UNC5B: variants seen among roughly 807,000 people sequenced by gnomAD.
UNC5B encodes the protein unc-5 netrin receptor B.
In UNC5B, 56 loss-of-function variants were observed where a neutral mutation model predicts 103.7. That is an observed-to-expected ratio of 0.54 (90% CI 0.44 to 0.67). The LOEUF (loss-of-function observed/expected upper bound fraction) is 0.67. Among genes scored for constraint, UNC5B ranks in the 30% least tolerant of loss-of-function variants. The probability of loss-of-function intolerance (pLI) is 0.00; values close to 1 mark genes in which losing one functional copy is unlikely to be tolerated. For synonymous variants in UNC5B, 577 were observed against 542.0 expected (o/e 1.06, Z -0.90); for missense variants, 1,194 against 1,284.5 (o/e 0.93, Z 1.08).
Position 71,293,566 on chromosome 10 carries a change from A to G in UNC5B, c.1934A>G (p.His645Arg), listed in dbSNP as rs768112292. 1.5e-5 allele frequency: 24 copies of G among 1,613,836 alleles called. No homozygotes were observed. Among genetic ancestry groups the G allele is most frequent in the Non-Finnish European group, 1.9e-5 (23 of 1,179,976 alleles). ...CTCAAGACCCAGGCCCACCAGGGCCACTGGGAGGTGAGGAGCCACGGTGAA... is the reference window on the plus strand; with the variant it reads ...CTCAAGACCCAGGCCCACCAGGGCCGCTGGGAGGTGAGGAGCCACGGTGAA... ...FQLKTQAHQG[H>R]WEEVVTLDEE... The change falls in exon 12 of 17, where the codon CAC becomes CGC. Residue 645 changes from histidine to arginine, a missense_variant. Coordinates refer to ENST00000335350, the MANE Select transcript of UNC5B (RefSeq NM_170744.5).
intron 8 of UNC5B, 88 bp downstream of exon 8, chr10:71,289,078 A>C: frequency 6.3e-7 from 1 of 1,590,292 alleles, no homozygotes; most frequent in Non-Finnish European, 8.6e-7. Context: ...GGTGCAGGGC[A>C]GGGAGAGCTG....
At chr10:71,289,974 C>T (rs879738708) in intron 8 of UNC5B, among the ~76,000 whole-genome samples, 73 of 152,220 alleles carry the variant, frequency 4.8e-4, no homozygotes, top group Non-Finnish European at 9.6e-4. Flanking sequence ...GGAGGAAGTG[C>T]GTGGACAGGT....
At chr10:71,270,870 C>A (rs1290698250) in intron 1 of UNC5B, among the ~76,000 whole-genome samples, 1 of 152,186 alleles carries the variant, frequency 6.6e-6, no homozygotes, top group Non-Finnish European at 1.5e-5. Context: ...AGGTGGGGAG[C>A]CTGCCATTGC....
chr10:71,242,875 G>A (rs1282518515), intron 1 of UNC5B, among the ~76,000 whole-genome samples: 1 of 152,178 alleles, frequency 6.6e-6, no homozygotes, highest in African/African-American at 2.4e-5. Flanking sequence ...GGCACTGGGT[G>A]TGTCCCAGCC....
At chr10:71,264,354 G>A (rs539378321) in intron 1 of UNC5B, among the ~76,000 whole-genome samples, 1 of 152,350 alleles carries the variant, frequency 6.6e-6, no homozygotes, top group South Asian at 2.1e-4. Flanking sequence ...CTCATTGCGT[G>A]TATTAACATG....
intron 11 of UNC5B, among the ~76,000 whole-genome samples, chr10:71,293,040 G>C (rs573627052): frequency 9.8e-5 from 15 of 152,344 alleles, no homozygotes; most frequent in African/African-American, 3.6e-4. Flanking sequence ...TTGCTGGCAA[G>C]GGGGTGGGAA....
Position 71,286,830 on chromosome 10 carries a change from G to A in UNC5B, c.694G>A (p.Ala232Thr). 6.2e-7 allele frequency: 1 copy of A among 1,614,178 alleles called. No individual in the cohort carries two copies. The highest frequency in any genetic ancestry group is 8.5e-7 in the Non-Finnish European group (1 of 1,180,020). Reference protein sequence around the residue: ...NYTCVAKNIVAKRRSTTATVI... With the variant: ...NYTCVAKNIVTKRRSTTATVI... Reference sequence around the variant, plus strand: ...TACCTGCGTGGCCAAGAACATCGTGGCCAAACGCCGGAGCACCACTGCCAC... The same window carrying A: ...TACCTGCGTGGCCAAGAACATCGTGACCAAACGCCGGAGCACCACTGCCAC... The change falls in exon 5 of 17, where the codon GCC becomes ACC. Residue 232 changes from alanine (A) to threonine (T), a missense_variant. Ala to Thr is a moderately conservative substitution (Grantham distance 58). Transcript: ENST00000335350.
chr10:71,237,229 T>A (rs1158628377), intron 1 of UNC5B, among the ~76,000 whole-genome samples: 1 of 152,202 alleles, frequency 6.6e-6, no homozygotes, highest in African/African-American at 2.4e-5. Context: ...AAGACTCGTG[T>A]TTATGTGGAA....
chr10:71,290,959 G>T lies in UNC5B; in HGVS notation c.1144G>T (p.Val382Leu), dbSNP rs149315614. ...TGCGGCGCTGTATGCGGGGCTCGTG[G>T]TGGCCATCTTCGTGGTCGTGGCAAT... is the stretch of plus-strand genomic sequence containing the variant. ...GDAALYAGLV[V>L]AIFVVVAILM... The change falls in exon 9 of 17, where the codon GTG becomes TTG. Residue 382 changes from valine to leucine, a missense_variant. Physicochemically the swap from Val to Leu is conservative, Grantham distance 32. Coordinates refer to ENST00000335350, the MANE Select transcript of UNC5B (RefSeq NM_170744.5). 6.2e-7 allele frequency: 1 copy of T among 1,613,912 alleles called. No homozygotes were observed. Among genetic ancestry groups the T allele is most frequent in the Non-Finnish European group, 8.5e-7 (1 of 1,180,042 alleles).
At chr10:71,263,277 C>T (rs1844450914) in intron 1 of UNC5B, among the ~76,000 whole-genome samples, 1 of 152,244 alleles carries the variant, frequency 6.6e-6, no homozygotes, top group Non-Finnish European at 1.5e-5. Context: ...TAGTCACACC[C>T]TCTGTGGGCC....
chr10:71,251,701 C>T (rs890705647), intron 1 of UNC5B, among the ~76,000 whole-genome samples: 2 of 152,184 alleles, frequency 1.3e-5, no homozygotes, highest in East Asian at 1.9e-4. Flanking sequence ...GGGGTCTTCT[C>T]GGTCCATATC....
intron 1 of UNC5B, among the ~76,000 whole-genome samples, chr10:71,229,645 A>G (rs1200937120): frequency 1.3e-5 from 2 of 152,160 alleles, no homozygotes; most frequent in Non-Finnish European, 2.9e-5. Flanking sequence ...AGGGCAGGCT[A>G]AACAGAAATT....
chr10:71,250,438 C>G (rs61852800), intron 1 of UNC5B, among the ~76,000 whole-genome samples: 227 of 152,364 alleles, frequency 1.5e-3, no homozygotes, highest in Non-Finnish European at 2.7e-3. Flanking sequence ...TAATTCCTGA[C>G]TTTCCGAGGA....
At chr10:71,256,084 A>G (rs1304920314) in intron 1 of UNC5B, among the ~76,000 whole-genome samples, 4 of 152,126 alleles carry the variant, frequency 2.6e-5, no homozygotes, top group African/African-American at 9.7e-5. Flanking sequence ...AGATAAGGAA[A>G]CTTATCTGTA....
intron 1 of UNC5B, among the ~76,000 whole-genome samples, chr10:71,242,664 C>T (rs565302616): frequency 3.3e-5 from 5 of 152,226 alleles, no homozygotes; most frequent in Non-Finnish European, 5.9e-5. Flanking sequence ...AGAGGGTTGG[C>T]GGTCTGCCAT....
intron 1 of UNC5B, among the ~76,000 whole-genome samples, chr10:71,216,747 G>A (rs902804413): frequency 2.0e-5 from 3 of 152,276 alleles, no homozygotes; most frequent in East Asian, 1.9e-4. Context: ...TGCCTCCTAC[G>A]CCCCATTCCC....
At position 71,293,905 on chromosome 10, in the gene UNC5B, G is replaced by C; in HGVS notation, c.2147G>C (p.Cys716Ser). The C allele has an allele frequency of 6.2e-7, 1 of 1,603,882 alleles. No homozygotes were observed. The highest frequency in any genetic ancestry group is 8.5e-7 in the Non-Finnish European group (1 of 1,179,484). The change falls in exon 13 of 17, where the codon TGC becomes TCC. Residue 716 changes from cysteine (C) to serine (S), a missense_variant. Coordinates refer to ENST00000335350, the MANE Select transcript of UNC5B (RefSeq NM_170744.5). ...TSLEYSLRVYCLEDTPVALKE... is the reference protein window; with the variant it reads ...TSLEYSLRVYSLEDTPVALKE... Reference sequence around the variant, plus strand: ...CTGGAGTACAGCCTCCGGGTCTACTGCCTGGAGGACACGCCTGTAGCACTG... The same window carrying C: ...CTGGAGTACAGCCTCCGGGTCTACTCCCTGGAGGACACGCCTGTAGCACTG...
intron 2 of UNC5B, among the ~76,000 whole-genome samples, chr10:71,280,852 C>G (rs1051456147): frequency 1.3e-5 from 2 of 152,212 alleles, no homozygotes; most frequent in Non-Finnish European, 1.5e-5. Flanking sequence ...TGGGACCCCC[C>G]CTTCAGTCAC....
At chr10:71,232,534 A>G (rs996795704) in intron 1 of UNC5B, among the ~76,000 whole-genome samples, 2 of 152,254 alleles carry the variant, frequency 1.3e-5, no homozygotes, top group Non-Finnish European at 2.9e-5. Flanking sequence ...AGGGGCTCCC[A>G]CTTTGCAAGC....
Sources: gnomAD v4.1 joint callset for allele counts (sites outside exome capture counted in the v4.1 genomes callset) on GRCh38, gnomAD v4.1.1 for gene constraint, MANE v1.5 for transcripts, NCBI Gene and HGNC (gene_info 2026-07-23, HGNC 2026-07-21) for gene names.